Variants in RARB observed in about 807,000 individuals in gnomAD.
The protein encoded by RARB is HBV-activated protein.
In RARB, 17 loss-of-function variants were observed where a neutral mutation model predicts 51.9. That is an observed-to-expected ratio of 0.33 (90% CI 0.22 to 0.49). RARB has a LOEUF of 0.49. RARB is among the 20% of genes least tolerant of loss of function. The pLI is 0.99. For missense variants in RARB, 369 were observed against 550.8 expected, an observed-to-expected ratio of 0.67 and a Z score of 3.30; for synonymous variants, 215 against 195.4, an observed-to-expected ratio of 1.10 and a Z score of -0.84.
rs77197055 is a variant in RARB at position 24,959,588 on chromosome 3, A to T, written c.-379-100537A>T. ...GAAGATGGGGATGTAAAGTTCTCAC[A>T]TGGGGCTGAGGTTCCAGGCTTGAGG... On this transcript the variant is annotated intron_variant, in intron 2 of 11. Coordinates refer to the RARB transcript ENST00000383772. Among the ~76,000 whole-genome samples, 4 of 152,354 alleles carry T rather than the reference A, an allele frequency of 2.6e-5. No individual in the cohort carries two copies. In the East Asian group the frequency reaches 7.7e-4, roughly 29 times the overall value.
intron 5 of RARB, among the ~76,000 whole-genome samples, chr3:25,287,260 T>C (rs1362801413): frequency 6.6e-6 from 1 of 152,220 alleles, no homozygotes; most frequent in Non-Finnish European, 1.5e-5. Flanking sequence ...ATCCTTCTTT[T>C]TTCATCCAAA....
At chr3:25,275,851 C>A (rs993601807) in intron 5 of RARB, among the ~76,000 whole-genome samples, 3 of 152,124 alleles carry the variant, frequency 2.0e-5, no homozygotes, top group Non-Finnish European at 4.4e-5. Flanking sequence ...TGCAGCACAC[C>A]AACATGGTAC....
At chr3:24,946,521 A>G (rs975829147) in intron 2 of RARB, among the ~76,000 whole-genome samples, 2 of 151,980 alleles carry the variant, frequency 1.3e-5, no homozygotes, top group Non-Finnish European at 2.9e-5. Context: ...TGTTTCTACT[A>G]TAACATAATG....
chr3:24,860,761 T>C (rs182612615), intron 2 of RARB, among the ~76,000 whole-genome samples: 1 of 152,300 alleles, frequency 6.6e-6, no homozygotes, highest in African/African-American at 2.4e-5. Context: ...GCATAACTTG[T>C]GTCAGGTGAT....
intron 3 of RARB, among the ~76,000 whole-genome samples, chr3:25,067,293 T>C (rs1698682492): frequency 6.6e-6 from 1 of 151,816 alleles, no homozygotes; most frequent in African/African-American, 2.4e-5. Context: ...TGAAATCACG[T>C]TTAAATAAAT....
At chr3:25,023,485 G>T (rs1697680677) in intron 2 of RARB, among the ~76,000 whole-genome samples, 1 of 120,120 alleles carries the variant, frequency 8.3e-6, no homozygotes, top group Non-Finnish European at 1.7e-5. Flanking sequence ...AGCACTCACA[G>T]GATACACCGA....
intron 2 of RARB, among the ~76,000 whole-genome samples, chr3:24,906,272 G>C (rs1019303197): frequency 1.3e-5 from 2 of 152,146 alleles, no homozygotes; most frequent in African/African-American, 2.4e-5. Flanking sequence ...GGAGCTTAGG[G>C]CTGGAATGAT....
chr3:25,398,662 A>G (rs1707182127), intron 5 of RARB, among the ~76,000 whole-genome samples: 1 of 152,210 alleles, frequency 6.6e-6, no homozygotes, highest in Non-Finnish European at 1.5e-5. Flanking sequence ...TGGGAAGTAG[A>G]TTGGCAACCA....
intron 5 of RARB, among the ~76,000 whole-genome samples, chr3:25,313,710 T>C (rs1293012058): frequency 6.6e-6 from 1 of 152,192 alleles, no homozygotes; most frequent in Non-Finnish European, 1.5e-5. Context: ...GGGGGCCATC[T>C]TTAGTCATAA....
chr3:25,130,919 C>T (rs1357945233), intron 3 of RARB, among the ~76,000 whole-genome samples: 2 of 20,570 alleles, frequency 9.7e-5, no homozygotes, highest in Non-Finnish European at 2.0e-4. Flanking sequence ...ATAATATTAT[C>T]AATATTTATC....
At chr3:24,958,240 T>C (rs1470606136) in intron 2 of RARB, among the ~76,000 whole-genome samples, 1 of 139,428 alleles carries the variant, frequency 7.2e-6, no homozygotes, top group East Asian at 2.3e-4. Flanking sequence ...ACCTGAAGCT[T>C]CCTGAGCTGC....
chr3:24,895,242 A>G (rs1356982202), intron 2 of RARB, among the ~76,000 whole-genome samples: 1 of 152,224 alleles, frequency 6.6e-6, no homozygotes, highest in Non-Finnish European at 1.5e-5. Context: ...TTCATTAAAT[A>G]GGTAGACTAA....
intron 3 of RARB, among the ~76,000 whole-genome samples, chr3:25,527,116 C>T (rs2125638657): frequency 6.6e-6 from 1 of 152,310 alleles, no homozygotes; most frequent in African/African-American, 2.4e-5. Flanking sequence ...TGATAAAATG[C>T]ACATTCTGAA....
chr3:25,140,100 T>C (rs1349580829), intron 4 of RARB, among the ~76,000 whole-genome samples: 1 of 145,230 alleles, frequency 6.9e-6, no homozygotes, highest in Admixed American at 6.7e-5. Flanking sequence ...TTTTTGTTGG[T>C]TTGTTTGTTT....
At chr3:24,888,602 C>T (rs969107513) in intron 2 of RARB, among the ~76,000 whole-genome samples, 10 of 151,892 alleles carry the variant, frequency 6.6e-5, no homozygotes, top group Admixed American at 2.0e-4. Context: ...ATCTGTAAAA[C>T]GACAGTAAAA....
intron 5 of RARB, among the ~76,000 whole-genome samples, chr3:25,317,394 T>C (rs983606861): frequency 3.9e-5 from 6 of 152,162 alleles, no homozygotes; most frequent in African/African-American, 1.4e-4. Context: ...ACTATGCCAG[T>C]TCTGGGTCAT....
intron 5 of RARB, among the ~76,000 whole-genome samples, chr3:25,334,021 G>T (rs1704984444): frequency 6.6e-6 from 1 of 152,156 alleles, no homozygotes; most frequent in Non-Finnish European, 1.5e-5. Flanking sequence ...TAAAAAGTCA[G>T]GGAACAACAG....
chr3:25,170,706 A>C (rs1467221105), intron 4 of RARB, among the ~76,000 whole-genome samples: 1 of 152,228 alleles, frequency 6.6e-6, no homozygotes, highest in East Asian at 1.9e-4. Flanking sequence ...TTCAAATGTT[A>C]TTTTAAAAAT....
At chr3:25,596,394 A>G (rs746540940) in intron 7 of RARB, 26 bp from the exon 8 acceptor site, 1 of 1,571,402 alleles carries the variant, frequency 6.4e-7, no homozygotes, top group Admixed American at 1.7e-5. Context: ...TATCTTAACC[A>G]TATTTCCATT....
Sources: gnomAD v4.1 joint callset for allele counts (sites outside exome capture counted in the v4.1 genomes callset) on GRCh38, gnomAD v4.1.1 for gene constraint, MANE v1.5 for transcripts, NCBI Gene and HGNC (gene_info 2026-07-23, HGNC 2026-07-21) for gene names.